MTUS2: variants seen among roughly 807,000 people sequenced by gnomAD.
The protein encoded by MTUS2 is microtubule-associated tumor suppressor candidate 2.
In MTUS2, 40 loss-of-function variants were observed where a neutral mutation model predicts 114.1. That is an observed-to-expected ratio of 0.35 (90% CI 0.27 to 0.46). MTUS2 has a LOEUF of 0.46. Among genes scored for constraint, MTUS2 ranks in the 20% least tolerant of loss-of-function variants. The pLI is 1.00. For synonymous variants in MTUS2, 688 were observed against 672.0 expected, an observed-to-expected ratio of 1.02 and a Z score of -0.37; for missense variants, 1,679 against 1,705.4, an observed-to-expected ratio of 0.98 and a Z score of 0.27.
Position 29,131,393 on chromosome 13 carries a change from A to T in MTUS2, c.2644+30423A>T, listed in dbSNP as rs1384238795. On this transcript the variant is annotated intron_variant, in intron 5 of 15. Transcript: ENST00000612955. The stretch of plus-strand genomic sequence containing the variant: ...TGGATATGAGACAGCTAACTTAGAG[A>T]TGCCCTGGTTACCTCCTGGCTGGAA... Among the ~76,000 whole-genome samples, 4 of 152,354 alleles carry T rather than the reference A, an allele frequency of 2.6e-5. No individual in the cohort carries two copies. In the East Asian group the frequency reaches 7.7e-4, roughly 29 times the overall value.
At chr13:29,121,179 C>G (rs1891291126) in intron 5 of MTUS2, among the ~76,000 whole-genome samples, 1 of 152,170 alleles carries the variant, frequency 6.6e-6, no homozygotes, top group Non-Finnish European at 1.5e-5. Flanking sequence ...AGGAAACTAT[C>G]TTAGGATGAG....
intron 2 of MTUS2, among the ~76,000 whole-genome samples, chr13:28,985,482 C>A (rs189276358): frequency 1.0e-3 from 155 of 151,564 alleles, no homozygotes; most frequent in African/African-American, 3.7e-3. Flanking sequence ...TGTCTGTTGT[C>A]ATTCCAGTTA....
chr13:29,466,721 C>CA (rs930024640), intron 9 of MTUS2, among the ~76,000 whole-genome samples: 6 of 151,688 alleles, frequency 4.0e-5, no homozygotes, highest in Non-Finnish European at 8.8e-5. Flanking sequence ...TACCAAACTA[C>CA]AAAAAATTAG....
chr13:29,077,858 TG>T (rs1889265089), intron 4 of MTUS2, among the ~76,000 whole-genome samples: 1 of 152,226 alleles, frequency 6.6e-6, no homozygotes, highest in South Asian at 2.1e-4. Flanking sequence ...TAAAACGCTA[TG>T]ATTTTAGTTG....
intron 5 of MTUS2, among the ~76,000 whole-genome samples, chr13:29,189,734 T>TC (rs1485286642): frequency 6.6e-6 from 1 of 152,174 alleles, no homozygotes; most frequent in Non-Finnish European, 1.5e-5. Flanking sequence ...GAGGTGGACT[T>TC]TAAGAAGTTA....
At chr13:29,071,587 C>T (rs982108793) in intron 4 of MTUS2, among the ~76,000 whole-genome samples, 2 of 149,778 alleles carry the variant, frequency 1.3e-5, no homozygotes, top group Admixed American at 6.7e-5. Flanking sequence ...CCACCATGCC[C>T]GGCTAATTTT....
intron 2 of MTUS2, among the ~76,000 whole-genome samples, chr13:29,007,339 C>A (rs1885645314): frequency 6.6e-6 from 1 of 152,140 alleles, no homozygotes; most frequent in Non-Finnish European, 1.5e-5. Flanking sequence ...CCAGAGGCAA[C>A]AGATATCAAA....
chr13:29,075,749 A>T (rs1021233871), intron 4 of MTUS2, among the ~76,000 whole-genome samples: 9 of 152,168 alleles, frequency 5.9e-5, no homozygotes, highest in African/African-American at 2.2e-4. Flanking sequence ...GATTTTAGTC[A>T]CACCTTTAGC....
chr13:29,337,595 T>C (rs1901136176), intron 7 of MTUS2, among the ~76,000 whole-genome samples: 1 of 126,630 alleles, frequency 7.9e-6, no homozygotes, highest in African/African-American at 2.8e-5. Flanking sequence ...TATTTATTTT[T>C]TATTTTTCTA....
intron 10 of MTUS2, among the ~76,000 whole-genome samples, chr13:29,484,714 T>A (rs74365551): frequency 0.073 from 11,071 of 152,306 alleles, 532 homozygotes; most frequent in African/African-American, 0.14. Flanking sequence ...AATGGGAGTT[T>A]AATCTGGTTT....
intron 5 of MTUS2, among the ~76,000 whole-genome samples, chr13:29,196,170 C>T (rs1430685997): frequency 6.6e-6 from 1 of 151,102 alleles, no homozygotes; most frequent in African/African-American, 2.4e-5. Context: ...GATCTCAGCT[C>T]ACTGCAACCT....
At chr13:29,098,299 C>G (rs1031487120) in intron 4 of MTUS2, among the ~76,000 whole-genome samples, 9 of 152,186 alleles carry the variant, frequency 5.9e-5, no homozygotes, top group African/African-American at 2.2e-4. Context: ...TCTGCAAACC[C>G]TGAAGGCGTG....
intron 5 of MTUS2, among the ~76,000 whole-genome samples, chr13:29,121,043 G>C (rs530668344): frequency 6.6e-6 from 1 of 152,306 alleles, no homozygotes; most frequent in East Asian, 1.9e-4. Context: ...CCATCTTCCT[G>C]AATTTCTCAA....
intron 1 of MTUS2, among the ~76,000 whole-genome samples, chr13:28,826,032 T>G (rs1033916457): frequency 1.3e-5 from 2 of 152,224 alleles, no homozygotes; most frequent in African/African-American, 4.8e-5. Flanking sequence ...TATTTGATAC[T>G]CCTCTTTAGC....
intron 6 of MTUS2, among the ~76,000 whole-genome samples, chr13:29,291,633 C>A (rs1898718973): frequency 6.6e-6 from 1 of 152,168 alleles, no homozygotes; most frequent in Non-Finnish European, 1.5e-5. Flanking sequence ...CTCGGTCCTG[C>A]TGACCTCATG....
At chr13:28,919,295 G>C (rs547065100) in intron 2 of MTUS2, among the ~76,000 whole-genome samples, 1 of 152,070 alleles carries the variant, frequency 6.6e-6, no homozygotes, top group East Asian at 1.9e-4. Flanking sequence ...TGTCTGGGAA[G>C]GTCTTTATTT....
chr13:29,228,192 AT>A (rs1896186504), intron 5 of MTUS2, among the ~76,000 whole-genome samples: 1 of 152,230 alleles, frequency 6.6e-6, no homozygotes, highest in Non-Finnish European at 1.5e-5. Flanking sequence ...GAGTGGGTGA[AT>A]ACGTGATAAA....
At chr13:29,147,693 G>C (rs1892493936) in intron 5 of MTUS2, among the ~76,000 whole-genome samples, 1 of 152,046 alleles carries the variant, frequency 6.6e-6, no homozygotes, top group African/African-American at 2.4e-5. Context: ...TGCAGTATTT[G>C]GTTTTCTGTT....
At position 29,281,710 on chromosome 13, in the gene MTUS2, C is replaced by T. The variant is rs3751336; in HGVS notation, c.2651C>T (p.Thr884Ile). 0.038 allele frequency: 61,212 copies of T among 1,606,428 alleles called. 1,271 individuals are homozygous for T. Among genetic ancestry groups the T allele is most frequent in the Admixed American group, 0.059 (3,477 of 59,336 alleles). ...PEQGRPATRS[T>I]FGNEEQPVLK... The stretch of plus-strand genomic sequence containing the variant: ...CGCTGTCTGCCTCCCACAGGTTCAA[C>T]CTTTGGGAATGAAGAACAGCCAGTT... Residue 884 changes from threonine (T) to isoleucine (I), a missense_variant, in exon 6 of 16, where the codon ACC becomes ATC. Physicochemically the swap from Thr to Ile is moderately conservative, Grantham distance 89 (BLOSUM62 -1). Transcript: ENST00000612955.
Sources: gnomAD v4.1 joint callset for allele counts (sites outside exome capture counted in the v4.1 genomes callset) on GRCh38, gnomAD v4.1.1 for gene constraint, MANE v1.5 for transcripts, NCBI Gene and HGNC (gene_info 2026-07-23, HGNC 2026-07-21) for gene names.